Variants in PHIP observed in about 807,000 individuals in gnomAD.
PHIP encodes the protein PHIP subunit of CUL4-Ring ligase complex, also known as PH-interacting protein.
In PHIP, 54 loss-of-function variants were observed where a neutral mutation model predicts 236.8. That is an observed-to-expected ratio of 0.23 (90% CI 0.18 to 0.29). PHIP has a LOEUF of 0.29. Among genes scored for constraint, PHIP ranks in the 10% least tolerant of loss-of-function variants. The pLI is 1.00. For synonymous variants in PHIP, 756 were observed against 718.9 expected (o/e 1.05, Z -0.83); for missense variants, 1,370 against 2,190.8 (o/e 0.63, Z 7.48).
chr6:78,993,339 A>C (rs1337344603), intron 19 of PHIP, among the ~76,000 whole-genome samples: 5 of 152,262 alleles, frequency 3.3e-5, no homozygotes, highest in Admixed American at 6.5e-5. Flanking sequence ...CACTGAAGAC[A>C]GTAGCTACAT....
chr6:78,979,003 C>G (rs914973272), intron 23 of PHIP, among the ~76,000 whole-genome samples: 1 of 152,030 alleles, frequency 6.6e-6, no homozygotes, highest in Non-Finnish European at 1.5e-5. Context: ...TGTGTAGGCA[C>G]TGTAGTAGGT....
chr6:78,941,167 T>C lies in PHIP; in HGVS notation c.4992A>G (p.Lys1664=). 6.2e-7 allele frequency: 1 copy of C among 1,614,120 alleles called. No homozygotes were observed. Among genetic ancestry groups the C allele is most frequent in the East Asian group, 2.2e-5 (1 of 44,866 alleles). ...CTTCTGGCTTTGCATACTGTAGCTT[T>C]TTGGGCTTTCTACCCCTTTTCTTGT... ...IIHKKRGRKP[K]KLQYAKPEDL... Residue 1664 remains lysine (K), a synonymous_variant, in exon 40 of 40, where the codon AAA becomes AAG. Transcript: ENST00000275034.
Position 78,963,794 on chromosome 6 carries a change from G to A in PHIP, c.3380-542C>T, listed in dbSNP as rs1381426502. 3.3e-5 allele frequency among the ~76,000 whole-genome samples: 5 copies of A among 152,288 alleles called. No homozygotes were observed. The East Asian group carries it at 9.6e-4, about 29-fold the overall frequency. On this transcript the variant is annotated intron_variant, in intron 29 of 39. Transcript: ENST00000275034. Reference sequence around the variant, plus strand: ...TAGCTGAGAGAATCACTAGAGGGTTGCGGTAACCCAAAATCTAGAAACGTG... The same window carrying A: ...TAGCTGAGAGAATCACTAGAGGGTTACGGTAACCCAAAATCTAGAAACGTG...
At chr6:78,994,942 T>G in intron 19 of PHIP, among the ~76,000 whole-genome samples, 1 of 152,220 alleles carries the variant, frequency 6.6e-6, no homozygotes, top group Non-Finnish European at 1.5e-5. Flanking sequence ...TATAGAATAG[T>G]ATAACCTTAA....
In PHIP at chr6:78,978,649, T is replaced by C. The variant is rs12209235; in HGVS notation, c.2832A>G (p.Thr944=). 0.068 allele frequency: 108,924 copies of C among 1,597,866 alleles called. 4,320 individuals are homozygous for C. The highest frequency in any genetic ancestry group is 0.081 in the Non-Finnish European group (94,664 of 1,168,302). The change falls in exon 24 of 40, where the codon ACA becomes ACG. Residue 944 remains threonine, a synonymous_variant. Transcript: ENST00000275034. ...GLTLEEWLPS[T]WITDTIPRRC... ...TTCGGGGAATGGTATCTGTAATCCA[T>C]GTTGATGGCAACCATTCTTCTAATG...
At chr6:78,985,103 C>T (rs935198861) in intron 22 of PHIP, among the ~76,000 whole-genome samples, 10 of 151,794 alleles carry the variant, frequency 6.6e-5, no homozygotes, top group South Asian at 2.1e-4. Flanking sequence ...AACATTATAA[C>T]GGTATTCAGA....
In PHIP at chr6:78,938,161, T is replaced by C. The variant is rs913939680; in HGVS notation, c.*2532A>G. The stretch of plus-strand genomic sequence containing the variant: ...TATAAAAATATAAAATCTAAATATA[T>C]TGGTATTACTAATACATGTTTAAGT... On this transcript the variant is annotated 3_prime_UTR_variant, in exon 40 of 40. Transcript: ENST00000275034. 3 of 151,662 alleles carry C rather than the reference T, an allele frequency of 2.0e-5. No individual in the cohort carries two copies. The highest frequency in any genetic ancestry group is 3.0e-5 in the Non-Finnish European group (2 of 67,614). 9.4% of individuals were successfully genotyped at this position (151,662 alleles called of 1,614,324 possible). A position where few individuals can be genotyped will look rare whatever the true frequency, so the allele number is the denominator to read the frequency against.
chr6:79,018,590 C>T (rs1356569548), intron 10 of PHIP, among the ~76,000 whole-genome samples: 2 of 151,872 alleles, frequency 1.3e-5, no homozygotes, highest in Non-Finnish European at 2.9e-5. Flanking sequence ...CAAAATGCTG[C>T]TGCATAAACA....
At chr6:79,064,436 A>G (rs1773524872) in intron 4 of PHIP, among the ~76,000 whole-genome samples, 1 of 152,158 alleles carries the variant, frequency 6.6e-6, no homozygotes, top group African/African-American at 2.4e-5. Context: ...CTAATTTCGT[A>G]TCCCATCCTC....
chr6:79,001,094 G>T (rs1211061853), intron 17 of PHIP, among the ~76,000 whole-genome samples: 1 of 152,004 alleles, frequency 6.6e-6, no homozygotes, highest in African/African-American at 2.4e-5. Flanking sequence ...TTTGTCGATT[G>T]AAGTCTAGAA....
At chr6:79,025,306 G>GAA (rs34111968) in intron 9 of PHIP, among the ~76,000 whole-genome samples, 3 of 151,476 alleles carry the variant, frequency 2.0e-5, no homozygotes, top group South Asian at 2.1e-4. Context: ...AGGATAAAGA[G>GAA]AAAAAAAATG....
intron 15 of PHIP, among the ~76,000 whole-genome samples, chr6:79,010,079 GAGGA>G (rs1322445427): frequency 6.6e-6 from 1 of 151,446 alleles, no homozygotes; most frequent in East Asian, 1.9e-4. Context: ...GGAAAGAAGG[GAGGA>G]AGGGAGGGAG....
chr6:78,996,270 G>A (rs1268088291), intron 19 of PHIP, among the ~76,000 whole-genome samples: 2 of 152,178 alleles, frequency 1.3e-5, no homozygotes, highest in African/African-American at 2.4e-5. Context: ...CCCACAAGGG[G>A]AGAAAAACTG....
In PHIP at chr6:79,074,388, C is replaced by T. The variant is rs146713453; in HGVS notation, c.189+3060G>A. Among the ~76,000 whole-genome samples, 1,442 of 151,914 alleles carry T rather than the reference C, an allele frequency of 9.5e-3. 17 individuals carry two copies. The highest frequency in any genetic ancestry group is 0.017 in the Non-Finnish European group (1,121 of 67,844). ...TCATCATTAAGTGACAACTAGAAAG[C>T]AGACTTAATAAACTAACTAGATTCA... On this transcript the variant is annotated intron_variant, in intron 4 of 39. Coordinates refer to ENST00000275034, the MANE Select transcript of PHIP (RefSeq NM_017934.7).
At chr6:79,027,020 A>G (rs1182023207) in intron 7 of PHIP, among the ~76,000 whole-genome samples, 7 of 152,058 alleles carry the variant, frequency 4.6e-5, no homozygotes, top group South Asian at 2.1e-4. Flanking sequence ...TACAGGATAC[A>G]GTTTTACTAA....
At chr6:79,012,386 A>T (rs767937091) in intron 15 of PHIP, among the ~76,000 whole-genome samples, 125 of 151,884 alleles carry the variant, frequency 8.2e-4, no homozygotes, top group South Asian at 2.5e-3. Flanking sequence ...TATAAACTTC[A>T]GTTTTAACAG....
intron 15 of PHIP, chr6:79,004,310 C>A: frequency 1.7e-6 from 1 of 598,184 alleles, no homozygotes; most frequent in Non-Finnish European, 2.1e-6. Flanking sequence ...AATAAATTCC[C>A]TGGTAGTCTG....
chr6:79,023,072 T>C (rs1252200199), intron 9 of PHIP, among the ~76,000 whole-genome samples: 1 of 152,098 alleles, frequency 6.6e-6, no homozygotes, highest in Non-Finnish European at 1.5e-5. Context: ...AGCAATGGAT[T>C]GTTCTTGTTT....
chr6:79,015,831 A>T, intron 13 of PHIP, 48 bp from the exon 14 acceptor site: 1 of 1,319,494 alleles, frequency 7.6e-7, no homozygotes, highest in Non-Finnish European at 1.1e-6. Flanking sequence ...TACTGACACA[A>T]CAAAAACCAA....
Sources: allele counts gnomAD v4.1 joint callset (sites outside exome capture counted in the v4.1 genomes callset), GRCh38; gene constraint gnomAD v4.1.1; transcripts MANE v1.5; gene names NCBI Gene and HGNC (gene_info 2026-07-23, HGNC 2026-07-21).